HSPA9: variants seen among roughly 807,000 people sequenced by gnomAD.
The protein encoded by HSPA9 is stress-70 protein, mitochondrial.
Under a neutral mutation model 81.5 loss-of-function variants are expected in HSPA9, and 28 were observed. The observed-to-expected ratio is 0.34, with a 90% CI of 0.25 to 0.47. The LOEUF is 0.47. HSPA9 is among the 20% of genes least tolerant of loss of function. The pLI is 1.00. For synonymous variants in HSPA9, 293 were observed against 290.4 expected (o/e 1.01, Z -0.09); for missense variants, 678 against 838.0 (o/e 0.81, Z 2.36).
intron 3 of HSPA9, among the ~76,000 whole-genome samples, chr5:138,571,553 A>G (rs1318450982): frequency 2.0e-5 from 3 of 152,326 alleles, no homozygotes; most frequent in Admixed American, 1.3e-4. Flanking sequence ...ACAAATGCAC[A>G]TCAACAATAC....
chr5:138,554,657 G>A lies in HSPA9; in HGVS notation c.*1380C>T, dbSNP rs1750482212. On this transcript the variant is annotated 3_prime_UTR_variant, in exon 17 of 17. Transcript: ENST00000297185. Reference sequence around the variant, plus strand: ...ACAAAACATTATAAAAGGAGCCATTGTGTCTGATATTCTAAGCCCATCTTG... The same window carrying A: ...ACAAAACATTATAAAAGGAGCCATTATGTCTGATATTCTAAGCCCATCTTG... 6.6e-6 allele frequency among the ~76,000 whole-genome samples: 1 copy of A among 152,194 alleles called. No individual in the cohort carries two copies. Among genetic ancestry groups the A allele is most frequent in the Non-Finnish European group, 1.5e-5 (1 of 68,042 alleles).
At chr5:138,573,358 T>C (rs1051257519) in intron 3 of HSPA9, among the ~76,000 whole-genome samples, 1 of 152,016 alleles carries the variant, frequency 6.6e-6, no homozygotes, top group Non-Finnish European at 1.5e-5. Context: ...GTTTTTGCTG[T>C]TTTAGTTGGA....
Position 138,555,981 on chromosome 5 carries a change from C to T in HSPA9, c.*56G>A. 2 of 1,259,292 alleles carry T rather than the reference C, an allele frequency of 1.6e-6. No homozygotes were observed. The highest frequency in any genetic ancestry group is 2.3e-6 in the Non-Finnish European group (2 of 858,490). 78.0% of individuals were successfully genotyped at this position (1,259,292 alleles called of 1,614,324 possible). ...GTTCGCCCATTTCTGCTCAGGAAGTCTCTTCACTCCTAAGCTTCATATGTT... is the reference window on the plus strand; with the variant it reads ...GTTCGCCCATTTCTGCTCAGGAAGTTTCTTCACTCCTAAGCTTCATATGTT... On this transcript the variant is annotated 3_prime_UTR_variant, in exon 17 of 17. Coordinates refer to ENST00000297185, the MANE Select transcript of HSPA9 (RefSeq NM_004134.7).
intron 11 of HSPA9, 77 bp from the exon 12 acceptor site, chr5:138,558,734 G>T: frequency 2.2e-6 from 2 of 924,068 alleles, no homozygotes; most frequent in Non-Finnish European, 3.6e-6. Context: ...GAAAGCCAAA[G>T]GTTTACATTC....
intron 3 of HSPA9, among the ~76,000 whole-genome samples, chr5:138,572,528 T>A (rs1457172987): frequency 6.6e-6 from 1 of 152,224 alleles, no homozygotes; most frequent in East Asian, 1.9e-4. Flanking sequence ...GAGCAGGCTA[T>A]TTCTTTTGAA....
chr5:138,558,008 G>A (rs1750567156), intron 12 of HSPA9, 22 bp from the exon 13 acceptor site: 1 of 1,484,154 alleles, frequency 6.7e-7, no homozygotes, highest in South Asian at 1.1e-5. Flanking sequence ...AATATCCAGA[G>A]TAAGGTCCTC....
chr5:138,568,520 C>G (rs1269165887), intron 5 of HSPA9, among the ~76,000 whole-genome samples: 2 of 151,952 alleles, frequency 1.3e-5, no homozygotes, highest in African/African-American at 4.8e-5. Flanking sequence ...AAAACAACAA[C>G]AAAAAAACCC....
chr5:138,562,342 G>T (rs1750679517), intron 9 of HSPA9, among the ~76,000 whole-genome samples: 1 of 149,120 alleles, frequency 6.7e-6, no homozygotes, highest in African/African-American at 2.4e-5. Flanking sequence ...GAGGTCAGGA[G>T]ATCGAGACCA....
intron 4 of HSPA9, among the ~76,000 whole-genome samples, chr5:138,570,494 A>AT (rs924535318): frequency 3.9e-5 from 6 of 151,974 alleles, no homozygotes; most frequent in Non-Finnish European, 5.9e-5. Flanking sequence ...ACAAAAATGA[A>AT]TTTTTTTCTT....
At chr5:138,556,750 G>C in intron 15 of HSPA9, 24 bp downstream of exon 15, 1 of 1,590,538 alleles carries the variant, frequency 6.3e-7, no homozygotes, top group Non-Finnish European at 8.6e-7. Context: ...TCAACCTCTT[G>C]AGTTACTTTA....
At chr5:138,556,904 T>C in intron 14 of HSPA9, 38 bp from the exon 15 acceptor site, 1 of 1,446,616 alleles carries the variant, frequency 6.9e-7, no homozygotes, top group Non-Finnish European at 9.7e-7. Context: ...GACTTTCCAA[T>C]CAACCAAAGT....
At chr5:138,566,938 C>G (rs1750780109) in intron 8 of HSPA9, 63 bp downstream of exon 8, 3 of 1,515,242 alleles carry the variant, frequency 2.0e-6, no homozygotes, top group Admixed American at 1.7e-5. Context: ...AAGCAAAGAG[C>G]AATCTGAACA....
In HSPA9 at chr5:138,575,243, G is replaced by A. The variant is rs41294552; in HGVS notation, c.76C>T (p.His26Tyr). 2.5e-4 allele frequency: 393 copies of A among 1,601,628 alleles called. 2 individuals carry two copies. The East Asian group carries it at 8.7e-3, about 36-fold the overall frequency. ...AASRGPTAAR[H>Y]QDSWNGLSHE... ...GGAAGGTCCCAGTTCCTCACCTGGT[G>A]GCGGGCGGCCGTAGGGCCCCGGGAG... Residue 26 changes from histidine to tyrosine, a missense_variant, in exon 1 of 17, where the codon CAC (histidine) becomes TAC (tyrosine). Coordinates refer to ENST00000297185, the MANE Select transcript of HSPA9 (RefSeq NM_004134.7).
intron 10 of HSPA9, chr5:138,561,185 C>T: frequency 2.4e-6 from 1 of 420,670 alleles, no homozygotes; most frequent in South Asian, 1.6e-5. Context: ...GGGGTATTAC[C>T]AAGGTTTTAT....
In HSPA9 at chr5:138,571,075, G is replaced by A. The variant is rs760679826; in HGVS notation, c.295C>T (p.Arg99Ter). 1 of 1,613,980 alleles carries A rather than the reference G, an allele frequency of 6.2e-7. No individual in the cohort carries two copies. The highest frequency in any genetic ancestry group is 8.5e-7 in the Non-Finnish European group (1 of 1,180,042). Residue 99 changes from arginine to a stop codon, truncating the protein, a stop_gained, in exon 4 of 17, where the codon CGA becomes TGA. Coordinates refer to ENST00000297185, the MANE Select transcript of HSPA9 (RefSeq NM_004134.7). LOFTEE classifies it high-confidence loss of function. Reference protein sequence around the residue: ...SVVAFTADGERLVGMPAKRQA... With the variant: ...SVVAFTADGE The stretch of plus-strand genomic sequence containing the variant: ...CGCTTGGCCGGCATTCCAACAAGTC[G>A]CTCACCATCTGCTGTAAAGGCCACA...
At chr5:138,569,384 ACTCT>A (rs549965686) in intron 4 of HSPA9, among the ~76,000 whole-genome samples, 4 of 152,202 alleles carry the variant, frequency 2.6e-5, no homozygotes, top group South Asian at 4.1e-4. Context: ...CAGCAATTCT[ACTCT>A]CTAAGACAAA....
chr5:138,563,914 C>A (rs141972558), intron 9 of HSPA9, among the ~76,000 whole-genome samples: 17 of 152,178 alleles, frequency 1.1e-4, no homozygotes, highest in African/African-American at 4.1e-4. Context: ...CACCAACAAC[C>A]GACCCCAATC....
In HSPA9 at chr5:138,556,869, T is replaced by TA. The variant is rs759948106; in HGVS notation, c.1729-4dup. Reference sequence around the variant, plus strand: ...ATATTAACTGCTTCAACTCGTTCCTTAGAGAAATTAGAAGTTTAAACGAAG... The same window carrying TA: ...ATATTAACTGCTTCAACTCGTTCCTTAAGAGAAATTAGAAGTTTAAACGAAG... On this transcript the variant is annotated splice_polypyrimidine_tract_variant and splice_region_variant and intron_variant, in intron 14 of 16. Transcript: ENST00000297185. 2 of 1,608,466 alleles carry TA rather than the reference T, an allele frequency of 1.2e-6. No homozygotes were observed. Among genetic ancestry groups the TA allele is most frequent in the Non-Finnish European group, 1.7e-6 (2 of 1,175,044 alleles).
Position 138,556,782 on chromosome 5 carries a change from C to A in HSPA9, c.1813G>T (p.Ala605Ser), listed in dbSNP as rs746909459. ...KMEEFKDQLP[A>S]DECNKLKEEI... ...TTTAAAATAGAACTCACCTCATCAGCAGGTAATTGGTCCTTGAATTCTTCC... is the reference window on the plus strand; with the variant it reads ...TTTAAAATAGAACTCACCTCATCAGAAGGTAATTGGTCCTTGAATTCTTCC... Residue 605 changes from alanine to serine, a missense_variant, in exon 15 of 17, where the codon GCT becomes TCT. Ala to Ser is a moderately conservative substitution (Grantham distance 99). Coordinates refer to ENST00000297185, the MANE Select transcript of HSPA9 (RefSeq NM_004134.7). The A allele has an allele frequency of 1.6e-5, 26 of 1,611,560 alleles. No homozygotes were observed. Among genetic ancestry groups the A allele is most frequent in the Non-Finnish European group, 2.0e-5 (24 of 1,177,752 alleles).
Sources: gnomAD v4.1 joint callset for allele counts (sites outside exome capture counted in the v4.1 genomes callset) on GRCh38, gnomAD v4.1.1 for gene constraint, MANE v1.5 for transcripts, NCBI Gene and HGNC (gene_info 2026-07-23, HGNC 2026-07-21) for gene names.